The following ADAMTSL1 variants were observed in gnomAD, a reference collection of about 807,000 sequenced individuals.
ADAMTSL1 encodes ADAMTS like 1.
ADAMTSL1 carries 126 observed loss-of-function variants against 201.8 expected under a neutral mutation model. The observed-to-expected ratio is 0.62, with a 90% CI of 0.54 to 0.72. The LOEUF is 0.72. Ranked by LOEUF, ADAMTSL1 falls within the 30% of genes least tolerant of loss-of-function variation. ADAMTSL1 has a pLI of 0.00. For synonymous variants in ADAMTSL1, 1,121 were observed against 903.4 expected, an observed-to-expected ratio of 1.24 and a Z score of -4.32; for missense variants, 2,679 against 2,277.8, an observed-to-expected ratio of 1.18 and a Z score of -3.59.
chr9:18,297,776 A>G (rs949729498), intron 2 of ADAMTSL1, among the ~76,000 whole-genome samples: 3 of 152,184 alleles, frequency 2.0e-5, no homozygotes, highest in African/African-American at 7.2e-5. Flanking sequence ...AAAGGGAGAG[A>G]AGTGTTTAAA....
At chr9:18,894,837 G>C (rs570533575) in intron 26 of ADAMTSL1, among the ~76,000 whole-genome samples, 1 of 152,248 alleles carries the variant, frequency 6.6e-6, no homozygotes, top group East Asian at 1.9e-4. Context: ...ATCAGATTAA[G>C]AAAAGGCACA....
intron 1 of ADAMTSL1, among the ~76,000 whole-genome samples, chr9:18,121,309 C>G (rs1429206923): frequency 6.6e-6 from 1 of 152,104 alleles, no homozygotes; most frequent in Non-Finnish European, 1.5e-5. Context: ...ATTTGAAGTA[C>G]CATGACAGTT....
chr9:17,968,206 T>C (rs928340996), intron 1 of ADAMTSL1, among the ~76,000 whole-genome samples: 3 of 152,066 alleles, frequency 2.0e-5, no homozygotes, highest in Non-Finnish European at 4.4e-5. Flanking sequence ...TCCTCCTCCA[T>C]CTCATGATGC....
At chr9:18,650,313 G>A (rs930589123) in intron 7 of ADAMTSL1, among the ~76,000 whole-genome samples, 1 of 152,188 alleles carries the variant, frequency 6.6e-6, no homozygotes, top group African/African-American at 2.4e-5. Flanking sequence ...CCTTGGCCAG[G>A]AAAGGGAACT....
intron 4 of ADAMTSL1, among the ~76,000 whole-genome samples, chr9:18,579,166 T>TA (rs1177590247): frequency 6.7e-6 from 1 of 150,344 alleles, no homozygotes; most frequent in Non-Finnish European, 1.5e-5. Context: ...TATGCAGCCG[T>TA]AAAAAATGAT....
chr9:18,383,244 T>C (rs1327762701), intron 2 of ADAMTSL1, among the ~76,000 whole-genome samples: 1 of 152,212 alleles, frequency 6.6e-6, no homozygotes, highest in Non-Finnish European at 1.5e-5. Flanking sequence ...TTCTTGTAGC[T>C]ATTGTCTTTC....
At chr9:18,584,336 T>C (rs964942572) in intron 4 of ADAMTSL1, among the ~76,000 whole-genome samples, 1 of 151,392 alleles carries the variant, frequency 6.6e-6, no homozygotes, top group Non-Finnish European at 1.5e-5. Flanking sequence ...CCATGTGAGA[T>C]GTCCCTGTCA....
chr9:18,047,818 T>C (rs1412119583), intron 1 of ADAMTSL1, among the ~76,000 whole-genome samples: 1 of 152,180 alleles, frequency 6.6e-6, no homozygotes, highest in Non-Finnish European at 1.5e-5. Flanking sequence ...AATTACTTGG[T>C]CTGGGGAAAA....
chr9:18,044,215 C>T (rs796322395), intron 1 of ADAMTSL1, among the ~76,000 whole-genome samples: 2 of 151,730 alleles, frequency 1.3e-5, no homozygotes, highest in South Asian at 4.2e-4. Context: ...AAGGACCAAA[C>T]AGATGGTCAG....
At chr9:18,256,149 C>G (rs538534316) in intron 2 of ADAMTSL1, among the ~76,000 whole-genome samples, 1 of 152,326 alleles carries the variant, frequency 6.6e-6, no homozygotes, top group South Asian at 2.1e-4. Flanking sequence ...AGTCTACATT[C>G]TGCACCTTTA....
At chr9:18,683,489 A>G (rs1297127044) in intron 12 of ADAMTSL1, among the ~76,000 whole-genome samples, 2 of 151,990 alleles carry the variant, frequency 1.3e-5, no homozygotes, top group Admixed American at 6.6e-5. Flanking sequence ...CGGCCTCCCA[A>G]AGTGCTAGGA....
chr9:18,466,971 T>C (rs564097712), intron 2 of ADAMTSL1, among the ~76,000 whole-genome samples: 4 of 152,350 alleles, frequency 2.6e-5, no homozygotes, highest in African/African-American at 9.6e-5. Flanking sequence ...ATTTTTTCTT[T>C]TGTAATTCTC....
At chr9:18,771,073 C>T (rs560841231) in intron 17 of ADAMTSL1, among the ~76,000 whole-genome samples, 241 of 152,200 alleles carry the variant, frequency 1.6e-3, no homozygotes, top group Middle Eastern at 3.4e-3. Flanking sequence ...GGATTCTTTT[C>T]CACACACTGG....
chr9:18,606,827 G>A (rs1889007), intron 4 of ADAMTSL1, among the ~76,000 whole-genome samples: 84,165 of 151,900 alleles, frequency 0.55, 23,743 homozygotes, highest in East Asian at 0.77. Flanking sequence ...AGAACCATCC[G>A]CTGCTGCAGT....
chr9:18,550,029 C>G (rs571409289), intron 3 of ADAMTSL1, among the ~76,000 whole-genome samples: 9 of 151,850 alleles, frequency 5.9e-5, no homozygotes, highest in Non-Finnish European at 8.8e-5. Context: ...TGAGTTACCC[C>G]ACAGATGACA....
chr9:18,636,660 C>T (rs927132703), intron 6 of ADAMTSL1, among the ~76,000 whole-genome samples: 1 of 152,116 alleles, frequency 6.6e-6, no homozygotes, highest in African/African-American at 2.4e-5. Context: ...TTCAATCATG[C>T]CAAGGCAGCA....
chr9:18,494,360 A>C (rs530482616), intron 1 of ADAMTSL1, among the ~76,000 whole-genome samples: 24 of 152,230 alleles, frequency 1.6e-4, no homozygotes, highest in East Asian at 5.8e-4. Context: ...AAAAAAAAAA[A>C]AAACCAGGCC....
rs73643489 is a variant in ADAMTSL1, at chr9:18,008,129, A to G, written c.87+101207A>G. 3.3e-5 allele frequency among the ~76,000 whole-genome samples: 5 copies of G among 152,104 alleles called. No individual in the cohort carries two copies. The East Asian group carries it at 9.7e-4, about 30-fold the overall frequency. Reference sequence around the variant, plus strand: ...ATGTTAGACATGAGATTTTAAAATAATCTTAGATGTTTCCATTAGAGCTTC... The same window carrying G: ...ATGTTAGACATGAGATTTTAAAATAGTCTTAGATGTTTCCATTAGAGCTTC... On this transcript the variant is annotated intron_variant, in intron 1 of 29. Coordinates refer to the ADAMTSL1 transcript ENST00000680146.
At position 18,675,922 on chromosome 9, in the gene ADAMTSL1, C is replaced by T; in HGVS notation, c.1136+15C>T. ...CCCCTTCCTCGGTACGTAAATCAAT[C>T]ATCCTGATGTTAGAATTAGCAAATT... On this transcript the variant is annotated intron_variant, in intron 10 of 28. Coordinates refer to ENST00000380548, the MANE Select transcript of ADAMTSL1 (RefSeq NM_001040272.6). The T allele has an allele frequency of 2.5e-6, 4 of 1,610,772 alleles. No individual in the cohort carries two copies. Among genetic ancestry groups the T allele is most frequent in the Non-Finnish European group, 3.4e-6 (4 of 1,177,238 alleles).
Sources: allele counts gnomAD v4.1 joint callset (sites outside exome capture counted in the v4.1 genomes callset), GRCh38; gene constraint gnomAD v4.1.1; transcripts MANE v1.5; gene names NCBI Gene and HGNC (gene_info 2026-07-23, HGNC 2026-07-21).